Variants in BLM observed in about 807,000 individuals in gnomAD.
The protein encoded by BLM is BLM RecQ like helicase.
In BLM, 95 loss-of-function variants were observed where a neutral mutation model predicts 135.3. That is an observed-to-expected ratio of 0.70 (90% CI 0.59 to 0.83). The LOEUF (loss-of-function observed/expected upper bound fraction) is 0.83. Among genes scored for constraint, BLM ranks in the 40% least tolerant of loss-of-function variants. BLM has a pLI of 0.00. For missense variants in BLM, 1,518 were observed against 1,663.9 expected (o/e 0.91, Z 1.53); for synonymous variants, 520 against 589.2 (o/e 0.88, Z 1.70).
intron 1 of BLM, among the ~76,000 whole-genome samples, chr15:90,719,183 G>A (rs1894693959): frequency 6.6e-6 from 1 of 152,102 alleles, no homozygotes; most frequent in South Asian, 2.1e-4. Context: ...AGTAGAGACG[G>A]GGTTTCACTG....
chr15:90,772,597 G>C (rs1402038478), intron 12 of BLM, among the ~76,000 whole-genome samples: 1 of 152,170 alleles, frequency 6.6e-6, no homozygotes, highest in African/African-American at 2.4e-5. Context: ...GTTGGAGTGA[G>C]AACTTAAAAC....
At chr15:90,733,182 G>A (rs893555107) in intron 1 of BLM, among the ~76,000 whole-genome samples, 3 of 152,106 alleles carry the variant, frequency 2.0e-5, no homozygotes, top group Non-Finnish European at 4.4e-5. Context: ...TACAGAATAA[G>A]AAATGGTAAG....
chr15:90,794,281 TTGG>T lies in BLM; in HGVS notation c.3137_3139del (p.Gly1046del). On this transcript the variant is annotated inframe_deletion, in exon 16 of 22. Transcript: ENST00000355112. ...AGGAGAATACAGCTTTTGGCCTACT[TTGG>T]TGAAAATGGATTTAATCCTGATTTT... The T allele has an allele frequency of 6.2e-7, 1 of 1,607,112 alleles. No individual in the cohort carries two copies. Among genetic ancestry groups the T allele is most frequent in the Non-Finnish European group, 8.5e-7 (1 of 1,176,176 alleles).
chr15:90,803,458 T>C (rs1567062565), intron 17 of BLM, 63 bp from the exon 18 acceptor site: 3 of 1,501,352 alleles, frequency 2.0e-6, no homozygotes, highest in Non-Finnish European at 2.8e-6. Context: ...TTTTAGCCTC[T>C]TCTATTTGAG....
At chr15:90,772,609 C>T (rs1299007457) in intron 12 of BLM, among the ~76,000 whole-genome samples, 1 of 152,118 alleles carries the variant, frequency 6.6e-6, no homozygotes, top group Non-Finnish European at 1.5e-5. Flanking sequence ...ACTTAAAACA[C>T]CAGATAGCTG....
chr15:90,756,359 C>T lies in BLM; in HGVS notation c.1087+1421C>T, dbSNP rs189030915. ...ACCTTGTGATCCGCCCACCTCGGCC[C>T]CCCAAAGTGCTGGGATTACAGGCGT... On this transcript the variant is annotated intron_variant, in intron 5 of 21. Transcript: ENST00000355112. Among the ~76,000 whole-genome samples, 763 of 152,182 alleles carry T rather than the reference C, an allele frequency of 5.0e-3. 9 individuals are homozygous for T. Among genetic ancestry groups the T allele is most frequent in the African/African-American group, 0.017 (718 of 41,510 alleles).
intron 16 of BLM, among the ~76,000 whole-genome samples, chr15:90,797,915 G>A (rs918962625): frequency 6.6e-6 from 1 of 152,180 alleles, no homozygotes; most frequent in African/African-American, 2.4e-5. Context: ...TTGTGTGTTT[G>A]TGTGTGTGTC....
rs758753168 is a variant in BLM at position 90,803,524 on chromosome 15, G to C, written c.3362G>C (p.Ser1121Thr). Reference protein sequence around the residue: ...MNMLVDIFLGSKSAKIQSGIF... With the variant: ...MNMLVDIFLGTKSAKIQSGIF... ...ACTTCCTGTATCTTCTTATCAGGGAGTAAGAGTGCAAAAATCCAGTCAGGT... is the reference window on the plus strand; with the variant it reads ...ACTTCCTGTATCTTCTTATCAGGGACTAAGAGTGCAAAAATCCAGTCAGGT... The change falls in exon 18 of 22, where the codon AGT (serine) becomes ACT (threonine). Residue 1121 changes from serine to threonine, a missense_variant. This residue lies in a region of BLM where 626 missense variants were observed against 681.1 expected (regional missense o/e 0.92). Transcript: ENST00000355112. The C allele has an allele frequency of 7.4e-6, 12 of 1,612,290 alleles. No homozygotes were observed. Among genetic ancestry groups the C allele is most frequent in the Non-Finnish European group, 9.3e-6 (11 of 1,178,386 alleles).
Position 90,749,471 on chromosome 15 carries a change from C to A in BLM, c.203C>A (p.Thr68Asn), listed in dbSNP as rs144134597. 2.5e-6 allele frequency: 4 copies of A among 1,613,312 alleles called. No individual in the cohort carries two copies. The African/African-American group carries it at 4.0e-5, about 16-fold the overall frequency. The change falls in exon 3 of 22, where the codon ACC (threonine) becomes AAC (asparagine). Residue 68 changes from threonine (T) to asparagine (N), a missense_variant. By Grantham distance (65) the Thr-to-Asn change is moderately conservative (BLOSUM62 0). Coordinates refer to ENST00000355112, the MANE Select transcript of BLM (RefSeq NM_000057.4). ...PVLRNKDVNVTEDFSFSEPLP... is the reference protein window; with the variant it reads ...PVLRNKDVNVNEDFSFSEPLP... Reference sequence around the variant, plus strand: ...TTAAGAAATAAAGATGTTAATGTTACCGAAGACTTTTCCTTCAGTGAACCT... The same window carrying A: ...TTAAGAAATAAAGATGTTAATGTTAACGAAGACTTTTCCTTCAGTGAACCT...
chr15:90,803,852 T>G, intron 18 of BLM, 132 bp downstream of exon 18: 1 of 1,004,574 alleles, frequency 1.0e-6, no homozygotes, highest in Non-Finnish European at 1.5e-6. Flanking sequence ...GAACATATTC[T>G]GTTTTTCTTA....
At chr15:90,760,043 G>T (rs1301860633) in intron 5 of BLM, 104 bp from the exon 6 acceptor site, 3 of 1,137,210 alleles carry the variant, frequency 2.6e-6, no homozygotes, top group South Asian at 1.3e-5. Flanking sequence ...TCCTGCCTTG[G>T]CCTCCCCAAA....
intron 5 of BLM, among the ~76,000 whole-genome samples, chr15:90,758,488 A>AAAAAT (rs1009064137): frequency 6.6e-6 from 1 of 152,166 alleles, no homozygotes; most frequent in Non-Finnish European, 1.5e-5. Flanking sequence ...ATCTGTCTCA[A>AAAAAT]AAAATAAAAT....
intron 16 of BLM, among the ~76,000 whole-genome samples, chr15:90,796,245 C>T (rs908096025): frequency 1.3e-5 from 2 of 152,104 alleles, no homozygotes; most frequent in African/African-American, 2.4e-5. Flanking sequence ...TATTGAATTA[C>T]ATATTAAGAT....
chr15:90,770,442 C>T, intron 12 of BLM, among the ~76,000 whole-genome samples: 1 of 152,218 alleles, frequency 6.6e-6, no homozygotes, highest in East Asian at 1.9e-4. Context: ...TCCCAAAGTG[C>T]TGGGATTACA....
chr15:90,807,495 G>A (rs1897310409), intron 19 of BLM, among the ~76,000 whole-genome samples: 1 of 152,100 alleles, frequency 6.6e-6, no homozygotes, highest in South Asian at 2.1e-4. Context: ...GACCTCCTGG[G>A]CTCAAGTGAT....
chr15:90,803,481 C>T (rs749192556), intron 17 of BLM, 40 bp from the exon 18 acceptor site: 31 of 1,566,652 alleles, frequency 2.0e-5, no homozygotes, highest in East Asian at 1.3e-4. Flanking sequence ...TGATGATATA[C>T]GTACATTTAC....
At chr15:90,737,674 C>A (rs1895253948) in intron 1 of BLM, among the ~76,000 whole-genome samples, 3 of 151,944 alleles carry the variant, frequency 2.0e-5, no homozygotes, top group Admixed American at 2.0e-4. Flanking sequence ...ACAGTGAAAG[C>A]AGTACTAGAA....
chr15:90,749,101 C>G (rs1182048232), intron 2 of BLM, among the ~76,000 whole-genome samples: 1 of 152,114 alleles, frequency 6.6e-6, no homozygotes, highest in Non-Finnish European at 1.5e-5. Flanking sequence ...TCTGGAGATG[C>G]TATTAACTAA....
At chr15:90,773,764 A>G (rs1050732124) in intron 12 of BLM, among the ~76,000 whole-genome samples, 2 of 152,040 alleles carry the variant, frequency 1.3e-5, no homozygotes, top group African/African-American at 2.4e-5. Context: ...TCTTTCACTG[A>G]GCATGTTTTT....
Sources: allele counts gnomAD v4.1 joint callset (sites outside exome capture counted in the v4.1 genomes callset), GRCh38; gene constraint gnomAD v4.1.1; regional missense constraint gnomAD v4.1.1; transcripts MANE v1.5; gene names NCBI Gene and HGNC (gene_info 2026-07-23, HGNC 2026-07-21).